The following CYSLTR1 variants were observed in gnomAD, a reference collection of about 807,000 sequenced individuals.
CYSLTR1 encodes the protein G-protein coupled receptor HG55.
A neutral mutation model predicts 2.1 loss-of-function variants in CYSLTR1; 1 was observed. The observed-to-expected ratio is 0.48, with a 90% confidence interval of 0.17 to 2.28. The LOEUF (loss-of-function observed/expected upper bound fraction) is 2.28, where lower values mean the gene tolerates loss of function less well. Among genes scored for constraint, CYSLTR1 ranks in the 30% most tolerant of loss-of-function variants. CYSLTR1 has a pLI of 0.26. For missense variants in CYSLTR1, 299 were observed against 250.1 expected (o/e 1.20, Z -1.32); for synonymous variants, 110 against 89.6 (o/e 1.23, Z -1.28).
chrX:78,322,022 G>C (rs1275301311), intron 1 of CYSLTR1, among the ~76,000 whole-genome samples: 1 of 111,462 alleles, frequency 9.0e-6, no homozygotes. Context: ...AAGCAGAAGA[G>C]GAAGTGGGGA....
chrX:78,319,384 G>A (rs191906352), intron 1 of CYSLTR1: 6 of 107,311 alleles, frequency 5.6e-5, no homozygotes, highest in Admixed American at 3.0e-4. Flanking sequence ...TTGTCCTTGC[G>A]TTAGTTTGCT....
chrX:78,314,014 T>C (rs1204833099), intron 1 of CYSLTR1, among the ~76,000 whole-genome samples: 1 of 111,659 alleles, frequency 9.0e-6, no homozygotes, highest in Non-Finnish European at 1.9e-5. Flanking sequence ...GCTCACAGTA[T>C]ATGGGATGTA....
At chrX:78,323,646 A>G (rs936924781) in intron 1 of CYSLTR1, among the ~76,000 whole-genome samples, 35 of 112,221 alleles carry the variant, frequency 3.1e-4, no homozygotes, top group Non-Finnish European at 6.4e-4. Context: ...AAGAAGTCAT[A>G]TACTTTAGAC....
At chrX:78,279,558 A>G (rs1332975766) in intron 2 of CYSLTR1, among the ~76,000 whole-genome samples, 1 of 112,474 alleles carries the variant, frequency 8.9e-6, no homozygotes. Flanking sequence ...AAAACATAAA[A>G]CAGAACTACC....
intron 1 of CYSLTR1, among the ~76,000 whole-genome samples, chrX:78,325,768 A>C (rs1923841473): frequency 8.9e-6 from 1 of 112,227 alleles, no homozygotes; most frequent in South Asian, 3.7e-4. Context: ...TTGAATTCAC[A>C]AGGTTGGGTA....
rs781123232 is a variant in CYSLTR1 at position 78,273,197 on chromosome X, T to A, written c.550A>T (p.Asn184Tyr). The A allele has an allele frequency of 2.5e-6, 3 of 1,210,889 alleles. No individual in the cohort carries two copies. The highest frequency in any genetic ancestry group is 2.3e-4 in the Middle Eastern group (1 of 4,351). The change falls in exon 3 of 3, where the codon AAT (asparagine) becomes TAT (tyrosine). Residue 184 changes from asparagine (N) to tyrosine (Y), a missense_variant. Coordinates refer to ENST00000373304, the MANE Select transcript of CYSLTR1 (RefSeq NM_006639.4). ...FEPPQDNQTK[N>Y]HVLVLHYVSL... ...ACATAATGCAAGACCAAAACATGAT[T>A]TTTAGTTTGATTGTCTTGTGGGGGC...
At chrX:78,275,349 A>G (rs1030714938) in intron 2 of CYSLTR1, among the ~76,000 whole-genome samples, 1 of 112,122 alleles carries the variant, frequency 8.9e-6, no homozygotes, top group African/African-American at 3.2e-5. Context: ...ACAATGATAG[A>G]CTGGATTAAG....
intron 1 of CYSLTR1, among the ~76,000 whole-genome samples, chrX:78,304,926 C>T (rs1922971389): frequency 8.9e-6 from 1 of 111,877 alleles, no homozygotes; most frequent in Non-Finnish European, 1.9e-5. Flanking sequence ...ATTTCTAAGC[C>T]TTCTCCCTGT....
chrX:78,281,474 T>A (rs754323172), intron 2 of CYSLTR1, among the ~76,000 whole-genome samples: 14 of 110,477 alleles, frequency 1.3e-4, no homozygotes, highest in African/African-American at 4.3e-4. Context: ...GGTTTCATCA[T>A]GTTGGCCAGG....
chrX:78,287,789 A>G (rs1922135504), intron 1 of CYSLTR1, among the ~76,000 whole-genome samples: 1 of 111,454 alleles, frequency 9.0e-6, no homozygotes, highest in African/African-American at 3.3e-5. Flanking sequence ...GGGAGAGCCC[A>G]TAACTAGAGA....
chrX:78,273,789 A>T lies in CYSLTR1; in HGVS notation c.-27-16T>A. 1 of 1,129,920 alleles carries T rather than the reference A, an allele frequency of 8.9e-7. No individual in the cohort carries two copies. The highest frequency in any genetic ancestry group is 1.2e-6 in the Non-Finnish European group (1 of 849,446). 93.1% of individuals were successfully genotyped at this position (1,129,920 alleles called of 1,213,427 possible). The stretch of plus-strand genomic sequence containing the variant: ...TGCTTTGTGCCTATAATAAATAAAA[A>T]AAATTGTCAATTTTAACTAGACCAT... On this transcript the variant is annotated splice_polypyrimidine_tract_variant and intron_variant, in intron 2 of 2. Coordinates refer to ENST00000373304, the MANE Select transcript of CYSLTR1 (RefSeq NM_006639.4).
intron 1 of CYSLTR1, among the ~76,000 whole-genome samples, chrX:78,297,818 A>G (rs1190129516): frequency 9.0e-6 from 1 of 111,273 alleles, no homozygotes; most frequent in East Asian, 2.8e-4. Flanking sequence ...ACTTTTCAAA[A>G]AACTGATTTT....
At chrX:78,315,391 A>G (rs1923378170) in intron 1 of CYSLTR1, among the ~76,000 whole-genome samples, 1 of 111,320 alleles carries the variant, frequency 9.0e-6, no homozygotes, top group Admixed American at 9.5e-5. Flanking sequence ...AAGTGAGGGG[A>G]ATTTGGTCTT....
intron 1 of CYSLTR1, among the ~76,000 whole-genome samples, chrX:78,325,764 T>C (rs1485984985): frequency 2.7e-5 from 3 of 112,318 alleles, no homozygotes; most frequent in Non-Finnish European, 5.6e-5. Flanking sequence ...AGTATTGAAT[T>C]CACAAGGTTG....
intron 1 of CYSLTR1, among the ~76,000 whole-genome samples, chrX:78,295,035 A>G (rs994959328): frequency 6.2e-5 from 7 of 112,101 alleles, no homozygotes; most frequent in African/African-American, 2.3e-4. Flanking sequence ...CTTCAGTTGG[A>G]AATGCTGAAA....
chrX:78,310,337 A>G (rs1348842038), intron 1 of CYSLTR1, among the ~76,000 whole-genome samples: 1 of 111,898 alleles, frequency 8.9e-6, no homozygotes, highest in Non-Finnish European at 1.9e-5. Flanking sequence ...GGATGGCAAA[A>G]TGCTGTATTG....
intron 2 of CYSLTR1, among the ~76,000 whole-genome samples, chrX:78,281,352 C>T (rs917798193): frequency 1.5e-4 from 17 of 110,220 alleles, no homozygotes; most frequent in Admixed American, 4.8e-4. Flanking sequence ...CTGCAACCTC[C>T]GCCTCCCAGG....
chrX:78,299,667 GC>G (rs1174817821), intron 1 of CYSLTR1, among the ~76,000 whole-genome samples: 1 of 111,172 alleles, frequency 9.0e-6, no homozygotes, highest in Non-Finnish European at 1.9e-5. Context: ...AGGTATTGGA[GC>G]TTCATTGTAT....
chrX:78,317,216 A>G (rs905135200), intron 1 of CYSLTR1, among the ~76,000 whole-genome samples: 6 of 112,753 alleles, frequency 5.3e-5, no homozygotes, highest in Admixed American at 3.7e-4. Flanking sequence ...ACAAATGACC[A>G]ACAAACATAT....
Sources: allele counts gnomAD v4.1 joint callset (sites outside exome capture counted in the v4.1 genomes callset), GRCh38; gene constraint gnomAD v4.1.1; transcripts MANE v1.5; gene names NCBI Gene and HGNC (gene_info 2026-07-23, HGNC 2026-07-21).